Variants in ITGBL1 observed in about 807,000 individuals in gnomAD.
ITGBL1 encodes the protein integrin subunit beta like 1.
A neutral mutation model predicts 68.5 loss-of-function variants in ITGBL1; 51 were observed. That is an observed-to-expected ratio of 0.74 (90% CI 0.59 to 0.94). The LOEUF is 0.94. ITGBL1 is among the 40% of genes least tolerant of loss of function. The pLI, the probability that ITGBL1 is intolerant of heterozygous loss-of-function variation, is 0.00. For synonymous variants in ITGBL1, 209 were observed against 227.3 expected (o/e 0.92, Z 0.72); for missense variants, 649 against 647.4 (o/e 1.00, Z -0.03).
chr13:101,596,819 G>T (rs2030000196), intron 6 of ITGBL1, among the ~76,000 whole-genome samples: 1 of 152,092 alleles, frequency 6.6e-6, no homozygotes, highest in Non-Finnish European at 1.5e-5. Context: ...AAACTGAAAG[G>T]ACTACATATA....
intron 7 of ITGBL1, among the ~76,000 whole-genome samples, chr13:101,621,328 C>G (rs1182068565): frequency 6.6e-6 from 1 of 152,110 alleles, no homozygotes; most frequent in Non-Finnish European, 1.5e-5. Context: ...AGTGTATAGC[C>G]TGGGGCCTCA....
intron 7 of ITGBL1, among the ~76,000 whole-genome samples, chr13:101,658,682 A>G (rs1416496377): frequency 1.3e-5 from 2 of 152,124 alleles, no homozygotes; most frequent in Admixed American, 6.5e-5. Flanking sequence ...TGGGAATCTC[A>G]GGTAATGGCA....
intron 7 of ITGBL1, among the ~76,000 whole-genome samples, chr13:101,654,759 G>A (rs529010224): frequency 2.3e-4 from 35 of 152,208 alleles, no homozygotes; most frequent in African/African-American, 7.7e-4. Flanking sequence ...AATGCAGATC[G>A]GTGTAAAGCT....
At chr13:101,719,867 G>GC (rs1312171451), downstream of ITGBL1, 1 of 105,888 alleles carries the variant, frequency 9.4e-6, no homozygotes, top group East Asian at 2.4e-4. Context: ...TAATTTCTGA[G>GC]GGGAAAAAAA....
At chr13:101,570,708 ATGTTATATGGT>A (rs2050258543) in intron 3 of ITGBL1, among the ~76,000 whole-genome samples, 1 of 152,166 alleles carries the variant, frequency 6.6e-6, no homozygotes, top group Non-Finnish European at 1.5e-5. Context: ...TGGTTGGCTA[ATGTTATATGGT>A]TGCCTTATTT....
At chr13:101,536,856 G>A (rs1239843154) in intron 2 of ITGBL1, among the ~76,000 whole-genome samples, 1 of 151,922 alleles carries the variant, frequency 6.6e-6, no homozygotes, top group Non-Finnish European at 1.5e-5. Context: ...AATATCTGGA[G>A]CAGATGTCAC....
chr13:101,707,098 G>C (rs1039317985), intron 9 of ITGBL1, among the ~76,000 whole-genome samples, 196 bp downstream of exon 9: 4 of 152,110 alleles, frequency 2.6e-5, no homozygotes, highest in Admixed American at 6.5e-5. Flanking sequence ...CGTGTGAGAG[G>C]ATTCATGCAA....
chr13:101,549,241 C>T lies in ITGBL1; in HGVS notation c.317-18458C>T, dbSNP rs145350386. 4.6e-3 allele frequency among the ~76,000 whole-genome samples: 698 copies of T among 151,826 alleles called. 2 individuals are homozygous for T. Among genetic ancestry groups the T allele is most frequent in the Middle Eastern group, 0.017 (5 of 294 alleles). On this transcript the variant is annotated intron_variant, in intron 2 of 10. Transcript: ENST00000376180. ...ACAGTAACCATATTTTATGGACATA[C>T]GATAACCATATTTTATGTCCATATT... is the stretch of plus-strand genomic sequence containing the variant.
In ITGBL1 at chr13:101,518,758, T is replaced by C. The variant is rs114705502; in HGVS notation, c.317-48941T>C. On this transcript the variant is annotated intron_variant, in intron 2 of 10. Coordinates refer to ENST00000376180, the MANE Select transcript of ITGBL1 (RefSeq NM_004791.3). ...TGTTTTTATCAATGTAACAATAATT[T>C]ACATTAATTACATTCTTACTATGTG... Among the ~76,000 whole-genome samples, 702 of 152,344 alleles carry C rather than the reference T, an allele frequency of 4.6e-3. 7 individuals carry two copies. The highest frequency in any genetic ancestry group is 0.016 in the African/African-American group (664 of 41,584).
At chr13:101,509,159 G>T (rs1175341084) in intron 2 of ITGBL1, among the ~76,000 whole-genome samples, 1 of 152,134 alleles carries the variant, frequency 6.6e-6, no homozygotes, top group Admixed American at 6.6e-5. Flanking sequence ...GCAAGGAGGA[G>T]CAAGTCACAT....
intron 2 of ITGBL1, among the ~76,000 whole-genome samples, chr13:101,485,960 G>A (rs2048696707): frequency 6.6e-6 from 1 of 152,078 alleles, no homozygotes; most frequent in Admixed American, 6.5e-5. Context: ...AAAACTAAAA[G>A]TAGAACTACC....
chr13:101,526,943 T>A (rs2049391226), intron 2 of ITGBL1, among the ~76,000 whole-genome samples: 1 of 151,928 alleles, frequency 6.6e-6, no homozygotes, highest in Non-Finnish European at 1.5e-5. Context: ...CCAAGAAAAA[T>A]AATAATTTCT....
chr13:101,650,180 T>C (rs2032698528), intron 7 of ITGBL1, among the ~76,000 whole-genome samples: 3 of 152,208 alleles, frequency 2.0e-5, no homozygotes, highest in Admixed American at 6.5e-5. Context: ...TTAAAGTAAA[T>C]GTAATTGTTG....
chr13:101,713,456 G>C (rs1265178742), intron 9 of ITGBL1: 1 of 152,088 alleles, frequency 6.6e-6, no homozygotes, highest in Non-Finnish European at 1.5e-5. Flanking sequence ...AAAGAATACA[G>C]CCATCTTTTA....
At chr13:101,692,725 A>G (rs1253053260) in intron 8 of ITGBL1, 24 bp downstream of exon 8, 1 of 1,444,584 alleles carries the variant, frequency 6.9e-7, no homozygotes, top group Non-Finnish European at 9.7e-7. Context: ...TCATAGCTGT[A>G]TGCTACCTGC....
At chr13:101,539,074 T>TTTG (rs869084694) in intron 2 of ITGBL1, among the ~76,000 whole-genome samples, 1 of 147,708 alleles carries the variant, frequency 6.8e-6, no homozygotes, top group Non-Finnish European at 1.5e-5. Context: ...TTTTTTTTTT[T>TTTG]AAGTTTTAGG....
At chr13:101,501,934 A>G (rs576084371) in intron 2 of ITGBL1, among the ~76,000 whole-genome samples, 3 of 152,300 alleles carry the variant, frequency 2.0e-5, no homozygotes, top group African/African-American at 4.8e-5. Context: ...ATTGGGGACC[A>G]GAAGGTTGAA....
chr13:101,662,789 A>G (rs116490312), intron 7 of ITGBL1, among the ~76,000 whole-genome samples: 1,693 of 151,784 alleles, frequency 0.011, 38 homozygotes, highest in African/African-American at 0.039. Flanking sequence ...TTATGGTTAC[A>G]TTGTTAATTA....
At chr13:101,598,530 A>G (rs1366232436) in intron 7 of ITGBL1, among the ~76,000 whole-genome samples, 1 of 152,004 alleles carries the variant, frequency 6.6e-6, no homozygotes, top group Non-Finnish European at 1.5e-5. Flanking sequence ...GATGTGCTGC[A>G]TGCATTAACT....
Sources: gnomAD v4.1 joint callset for allele counts (sites outside exome capture counted in the v4.1 genomes callset) on GRCh38, gnomAD v4.1.1 for gene constraint, MANE v1.5 for transcripts, NCBI Gene and HGNC (gene_info 2026-07-23, HGNC 2026-07-21) for gene names.